The following PHKB variants were observed in gnomAD, a reference collection of about 807,000 sequenced individuals.
PHKB encodes the protein phosphorylase kinase regulatory subunit beta.
PHKB carries 122 observed loss-of-function variants against 152.1 expected under a neutral mutation model. The ratio of observed to expected loss-of-function variants is 0.80; its 90% CI spans 0.69 to 0.93. The LOEUF (loss-of-function observed/expected upper bound fraction) is 0.93. Ranked by LOEUF, PHKB falls within the 40% of genes least tolerant of loss-of-function variation. The pLI is 0.00. For missense variants in PHKB, 1,304 were observed against 1,328.4 expected (o/e 0.98, Z 0.29); for synonymous variants, 436 against 464.9 (o/e 0.94, Z 0.80).
chr16:47,558,385 T>C (rs1375269653), intron 7 of PHKB, among the ~76,000 whole-genome samples: 1 of 152,020 alleles, frequency 6.6e-6, no homozygotes, highest in Non-Finnish European at 1.5e-5. Flanking sequence ...AGTATAATAA[T>C]AATAAAATAA....
chr16:47,673,419 G>A (rs73536906), intron 26 of PHKB, among the ~76,000 whole-genome samples: 10,535 of 152,032 alleles, frequency 0.069, 604 homozygotes, highest in African/African-American at 0.15. Context: ...ACATGATATT[G>A]GAATTAAGTA....
At chr16:47,547,850 T>C in intron 7 of PHKB, 1 of 346,946 alleles carries the variant, frequency 2.9e-6, no homozygotes. Flanking sequence ...AGTCATTTTC[T>C]TTTTCCTCTT....
intron 14 of PHKB, among the ~76,000 whole-genome samples, chr16:47,628,117 T>A (rs1972744025): frequency 6.6e-6 from 1 of 152,212 alleles, no homozygotes; most frequent in Non-Finnish European, 1.5e-5. Flanking sequence ...GCCTGGAGGA[T>A]GCATTTATTT....
chr16:47,552,539 G>C (rs544171221), intron 7 of PHKB, among the ~76,000 whole-genome samples: 1 of 152,182 alleles, frequency 6.6e-6, no homozygotes, highest in East Asian at 1.9e-4. Context: ...TTGAGGCCGT[G>C]GTGGCTCACA....
At chr16:47,524,234 G>A (rs566652581) in intron 6 of PHKB, among the ~76,000 whole-genome samples, 11 of 152,114 alleles carry the variant, frequency 7.2e-5, no homozygotes, top group African/African-American at 2.4e-4. Flanking sequence ...TTTGGATTCC[G>A]TTTGTTTTTC....
chr16:47,564,399 GT>G (rs1971529770), intron 7 of PHKB, among the ~76,000 whole-genome samples: 1 of 152,062 alleles, frequency 6.6e-6, no homozygotes, highest in African/African-American at 2.4e-5. Context: ...TCTCACTGTG[GT>G]TTTAATATGC....
intron 28 of PHKB, among the ~76,000 whole-genome samples, chr16:47,695,802 G>A (rs750424692): frequency 1.3e-5 from 2 of 152,170 alleles, no homozygotes; most frequent in Non-Finnish European, 2.9e-5. Context: ...CATTTGGATT[G>A]TGAAGAAATG....
At chr16:47,688,904 A>G (rs571873055) in intron 26 of PHKB, 137 bp from the exon 27 acceptor site, 2 of 874,446 alleles carry the variant, frequency 2.3e-6, no homozygotes. Context: ...AATTGTATCA[A>G]CGGTTCAGGA....
In PHKB at chr16:47,698,323, T is replaced by C; in HGVS notation, c.3004-125T>C. 3 of 779,152 alleles carry C rather than the reference T, an allele frequency of 3.9e-6. No individual in the cohort carries two copies. In the South Asian group the frequency reaches 4.4e-5, roughly 12 times the overall value. 48.3% of individuals were successfully genotyped at this position (779,152 alleles called of 1,614,324 possible). A position where few individuals can be genotyped will look rare whatever the true frequency, so the allele number is the denominator to read the frequency against. ...TGCAAAATTAGGAAGATTCCTTCCA[T>C]AGGTGATCCTTGAGCCCCTCATCAT... On this transcript the variant is annotated intron_variant, in intron 29 of 30. Transcript: ENST00000323584.
chr16:47,502,509 A>T lies in PHKB; in HGVS notation c.306-482A>T, dbSNP rs1483135137. On this transcript the variant is annotated intron_variant, in intron 3 of 30. Coordinates refer to ENST00000323584, the MANE Select transcript of PHKB (RefSeq NM_000293.3). ...TTAGTTGAAGGCATCCTTGACTATG[A>T]CTAAATGCCTGCTCTGATGGTATTG... is the stretch of plus-strand genomic sequence containing the variant. 1.2e-4 allele frequency among the ~76,000 whole-genome samples: 18 copies of T among 152,334 alleles called. No homozygotes were observed. The East Asian group carries it at 3.5e-3, about 29-fold the overall frequency.
intron 14 of PHKB, among the ~76,000 whole-genome samples, chr16:47,630,220 G>A (rs1433149683): frequency 2.6e-5 from 4 of 152,006 alleles, no homozygotes; most frequent in African/African-American, 9.7e-5. Context: ...AGCAGATAAG[G>A]CCTGTAATCG....
At chr16:47,538,286 A>G (rs1188509788) in intron 6 of PHKB, among the ~76,000 whole-genome samples, 2 of 152,236 alleles carry the variant, frequency 1.3e-5, no homozygotes, top group Non-Finnish European at 2.9e-5. Flanking sequence ...TGAAATAGCT[A>G]ACATCATGAA....
At chr16:47,647,654 C>G (rs1476342403) in intron 16 of PHKB, among the ~76,000 whole-genome samples, 1 of 151,988 alleles carries the variant, frequency 6.6e-6, no homozygotes, top group Non-Finnish European at 1.5e-5. Flanking sequence ...CCCGCCACCA[C>G]GCCTGGCTAA....
chr16:47,566,092 G>T (rs1971560679), intron 7 of PHKB: 2 of 656,490 alleles, frequency 3.0e-6, no homozygotes, highest in East Asian at 5.2e-5. Flanking sequence ...TTGCCTATCT[G>T]GGAATCATAG....
chr16:47,682,350 C>T (rs1043245605), intron 26 of PHKB, among the ~76,000 whole-genome samples: 2 of 152,172 alleles, frequency 1.3e-5, no homozygotes, highest in African/African-American at 4.8e-5. Flanking sequence ...TCATATCCCT[C>T]AGAGTGTTTT....
chr16:47,666,135 T>TAA (rs773605337), intron 25 of PHKB: 27 of 795,712 alleles, frequency 3.4e-5, no homozygotes, highest in Non-Finnish European at 5.7e-5. Flanking sequence ...ATAGGCCTCT[T>TAA]ACAATCAGAT....
chr16:47,490,744 A>G (rs1970135269), intron 1 of PHKB, among the ~76,000 whole-genome samples: 1 of 152,240 alleles, frequency 6.6e-6, no homozygotes, highest in Non-Finnish European at 1.5e-5. Flanking sequence ...AAAACCTTTT[A>G]TAACCCTTTC....
At chr16:47,469,612 G>A (rs1351513439) in intron 1 of PHKB, among the ~76,000 whole-genome samples, 3 of 151,996 alleles carry the variant, frequency 2.0e-5, no homozygotes, top group Non-Finnish European at 4.4e-5. Context: ...GGAGAGTGAG[G>A]GAGAGGGGCA....
intron 29 of PHKB, among the ~76,000 whole-genome samples, chr16:47,697,778 G>T (rs1256247907): frequency 6.6e-6 from 1 of 152,174 alleles, no homozygotes; most frequent in South Asian, 2.1e-4. Context: ...TTGCTTATAG[G>T]AATTTAGCAT....
Sources: allele counts gnomAD v4.1 joint callset (sites outside exome capture counted in the v4.1 genomes callset), GRCh38; gene constraint gnomAD v4.1.1; transcripts MANE v1.5; gene names NCBI Gene and HGNC (gene_info 2026-07-23, HGNC 2026-07-21).